The following MACROD2 variants were observed in gnomAD, a reference collection of about 807,000 sequenced individuals.
MACROD2 encodes mono-ADP ribosylhydrolase 2.
MACROD2 carries 36 observed loss-of-function variants against 70.4 expected under a neutral mutation model. The observed-to-expected ratio is 0.51, with a 90% confidence interval of 0.39 to 0.68. MACROD2 has a LOEUF of 0.68. MACROD2 is among the 30% of genes least tolerant of loss of function. The pLI, the probability that MACROD2 is intolerant of heterozygous loss-of-function variation, is 0.00. For missense variants in MACROD2, 496 were observed against 538.4 expected, an observed-to-expected ratio of 0.92 and a Z score of 0.78; for synonymous variants, 172 against 178.8, an observed-to-expected ratio of 0.96 and a Z score of 0.30.
chr20:15,439,547 T>G (rs2046468480), intron 7 of MACROD2, among the ~76,000 whole-genome samples: 2 of 152,164 alleles, frequency 1.3e-5, no homozygotes. Context: ...TTTCTCTCCC[T>G]CTGCAGCCCT....
rs370772534 is a variant in MACROD2, at chr20:14,565,842, C to T, written c.301+72334C>T. ...GCAGTGTATCATCTGGGCCCCTCCTCTTCCACATATCCGGCTCAACAGAGT... is the reference window on the plus strand; with the variant it reads ...GCAGTGTATCATCTGGGCCCCTCCTTTTCCACATATCCGGCTCAACAGAGT... On this transcript the variant is annotated intron_variant, in intron 4 of 17. Coordinates refer to ENST00000684519, the MANE Select transcript of MACROD2 (RefSeq NM_001351661.2). Among the ~76,000 whole-genome samples the T allele has an allele frequency of 5.3e-5, 8 of 151,922 alleles. No homozygotes were observed. The East Asian group carries it at 1.5e-3, about 29-fold the overall frequency.
At chr20:14,084,580 A>G (rs1239468165) in intron 2 of MACROD2, among the ~76,000 whole-genome samples, 1 of 152,166 alleles carries the variant, frequency 6.6e-6, no homozygotes, top group East Asian at 1.9e-4. Flanking sequence ...TATTTTGTTC[A>G]AAATAAATGG....
intron 6 of MACROD2, among the ~76,000 whole-genome samples, chr20:15,378,154 A>G (rs1189695730): frequency 6.7e-6 from 1 of 149,470 alleles, no homozygotes; most frequent in Non-Finnish European, 1.5e-5. Flanking sequence ...AAAATAAAAG[A>G]AGAGAGAGAG....
At chr20:14,577,817 G>GAGA (rs1555803943) in intron 4 of MACROD2, among the ~76,000 whole-genome samples, 2 of 151,698 alleles carry the variant, frequency 1.3e-5, no homozygotes, top group Non-Finnish European at 2.9e-5. Flanking sequence ...GAGAAGAGAA[G>GAGA]AGAAGAGAAG....
chr20:14,258,653 G>T (rs532523548), intron 3 of MACROD2, among the ~76,000 whole-genome samples: 1 of 152,082 alleles, frequency 6.6e-6, no homozygotes, highest in South Asian at 2.1e-4. Context: ...TTCTCCCATT[G>T]TGTGGGTTGT....
intron 4 of MACROD2, among the ~76,000 whole-genome samples, chr20:14,638,868 T>G (rs1039072229): frequency 6.6e-6 from 1 of 151,136 alleles, no homozygotes; most frequent in African/African-American, 2.4e-5. Context: ...GAGAATCACT[T>G]GAACCCAAGA....
intron 8 of MACROD2, among the ~76,000 whole-genome samples, chr20:15,580,339 G>A (rs1000629202): frequency 1.3e-5 from 2 of 152,000 alleles, no homozygotes; most frequent in Non-Finnish European, 1.5e-5. Context: ...TCTGCCTTTA[G>A]CATTACTTAA....
chr20:15,365,624 G>A (rs1035011964), intron 6 of MACROD2, among the ~76,000 whole-genome samples: 14 of 151,204 alleles, frequency 9.3e-5, no homozygotes, highest in Non-Finnish European at 2.1e-4. Context: ...TCGCACCACT[G>A]CACTCCAGCC....
chr20:14,937,373 G>C (rs1036109379), intron 5 of MACROD2, among the ~76,000 whole-genome samples: 13 of 152,054 alleles, frequency 8.5e-5, no homozygotes, highest in African/African-American at 3.1e-4. Context: ...CATTCTTCTT[G>C]CCTTGTGTGA....
intron 3 of MACROD2, among the ~76,000 whole-genome samples, chr20:14,255,549 G>C (rs139299201): frequency 6.6e-5 from 10 of 151,726 alleles, no homozygotes; most frequent in East Asian, 1.9e-4. Flanking sequence ...GTGGGGGCAG[G>C]GGGGAGGGAT....
intron 5 of MACROD2, among the ~76,000 whole-genome samples, chr20:14,920,714 A>C (rs2122635848): frequency 6.6e-6 from 1 of 152,240 alleles, no homozygotes; most frequent in South Asian, 2.1e-4. Context: ...AGTTTATTTA[A>C]TATTGCTACC....
Position 14,836,051 on chromosome 20 carries a change from CAA to C in MACROD2, c.418+151094_418+151095del, listed in dbSNP as rs947001683. Among the ~76,000 whole-genome samples the C allele has an allele frequency of 3.9e-5, 6 of 151,942 alleles. No homozygotes were observed. In the East Asian group the frequency reaches 9.7e-4, roughly 24 times the overall value. ...TCCTTAAATGGTTACAGAATTCCCC[CAA>C]AGAGTAGATTATTTGTAGGTATTAG... On this transcript the variant is annotated intron_variant, in intron 5 of 17. Transcript: ENST00000684519.
chr20:15,086,916 C>T (rs1789897216), intron 5 of MACROD2, among the ~76,000 whole-genome samples: 1 of 152,102 alleles, frequency 6.6e-6, no homozygotes, highest in African/African-American at 2.4e-5. Context: ...TTAAGATTAG[C>T]AATGATGGTC....
chr20:14,430,932 G>C (rs772326243), intron 3 of MACROD2, among the ~76,000 whole-genome samples: 1 of 152,066 alleles, frequency 6.6e-6, no homozygotes. Flanking sequence ...CTTGGAAGCC[G>C]CATGATGGGA....
intron 4 of MACROD2, among the ~76,000 whole-genome samples, chr20:14,505,363 T>C (rs750763701): frequency 1.3e-4 from 20 of 152,204 alleles, no homozygotes; most frequent in Non-Finnish European, 1.9e-4. Context: ...CTTAAATCTG[T>C]CTAGTGTTTC....
intron 8 of MACROD2, among the ~76,000 whole-genome samples, chr20:15,628,726 G>C (rs2049243775): frequency 6.6e-6 from 1 of 152,242 alleles, no homozygotes; most frequent in Non-Finnish European, 1.5e-5. Context: ...TCATTCCCAG[G>C]TCTGGCACCT....
At chr20:15,174,342 T>C (rs1175829368) in intron 5 of MACROD2, among the ~76,000 whole-genome samples, 1 of 152,252 alleles carries the variant, frequency 6.6e-6, no homozygotes, top group Non-Finnish European at 1.5e-5. Flanking sequence ...ACATATTTTT[T>C]AAGTAAAATA....
intron 3 of MACROD2, among the ~76,000 whole-genome samples, chr20:14,403,553 C>A (rs2083660908): frequency 6.6e-6 from 1 of 152,118 alleles, no homozygotes; most frequent in South Asian, 2.1e-4. Context: ...AGAATTGCAG[C>A]ATCAGAAATA....
intron 6 of MACROD2, among the ~76,000 whole-genome samples, chr20:15,353,606 T>C (rs2078252803): frequency 6.6e-6 from 1 of 151,888 alleles, no homozygotes; most frequent in Non-Finnish European, 1.5e-5. Context: ...TCTACTCATC[T>C]GACAAAGGGC....
Sources: gnomAD v4.1 joint callset for allele counts (sites outside exome capture counted in the v4.1 genomes callset) on GRCh38, gnomAD v4.1.1 for gene constraint, MANE v1.5 for transcripts, NCBI Gene and HGNC (gene_info 2026-07-23, HGNC 2026-07-21) for gene names.